Variants in PFKFB2 observed in about 807,000 individuals in gnomAD.
PFKFB2 encodes 6-phosphofructo-2-kinase/fructose-2,6-bisphosphatase 2.
PFKFB2 carries 53 observed loss-of-function variants against 68.0 expected under a neutral mutation model. The ratio of observed to expected loss-of-function variants is 0.78; its 90% CI spans 0.63 to 0.98. PFKFB2 has a LOEUF of 0.98. Ranked by LOEUF, PFKFB2 falls within the 50% of genes least tolerant of loss-of-function variation. The probability of loss-of-function intolerance (pLI) is 0.00; values close to 1 mark genes in which losing one functional copy is unlikely to be tolerated. For missense variants in PFKFB2, 451 were observed against 642.0 expected (o/e 0.70, Z 3.22); for synonymous variants, 222 against 227.6 (o/e 0.98, Z 0.22).
chr1:207,035,032 G>C (rs953003000), intron 1 of PFKFB2: 1 of 464,570 alleles, frequency 2.2e-6, no homozygotes, highest in African/African-American at 2.1e-5. Context: ...TCAGTCAAAA[G>C]CCTGAAAGAA....
chr1:207,070,362 A>G lies in PFKFB2; in HGVS notation c.1175A>G (p.Gln392Arg), dbSNP rs748936668. ...GGCAATGTCCTCGTCATCTCCCACC[A>G]GGCTGTCATGCGCTGCCTCCTGGCC... ...RQGNVLVISH[Q>R]AVMRCLLAYF... Residue 392 changes from glutamine (Q) to arginine (R), a missense_variant, in exon 12 of 15, where the codon CAG becomes CGG. Coordinates refer to ENST00000367080, the MANE Select transcript of PFKFB2 (RefSeq NM_006212.2). The surrounding 1 kb of genome is among the most constrained non-coding windows in gnomAD (Gnocchi z 4.2). 7.4e-6 allele frequency: 12 copies of G among 1,613,856 alleles called. No individual in the cohort carries two copies. In the Admixed American group the frequency reaches 1.3e-4, roughly 18 times the overall value.
At chr1:207,038,228 C>A (rs746930426) in intron 1 of PFKFB2, among the ~76,000 whole-genome samples, 1 of 152,188 alleles carries the variant, frequency 6.6e-6, no homozygotes, top group Non-Finnish European at 1.5e-5. Flanking sequence ...TATCGAATGT[C>A]TATTGTAGAT....
At chr1:207,059,851 C>G (rs920650104) in intron 2 of PFKFB2, among the ~76,000 whole-genome samples, 1 of 152,220 alleles carries the variant, frequency 6.6e-6, no homozygotes, top group Non-Finnish European at 1.5e-5. Context: ...TATTTCCCAT[C>G]CAAGTACCTC....
rs150389224 is a variant in PFKFB2 at position 207,058,050 on chromosome 1, A to G, written c.85+3248A>G. 5.1e-3 allele frequency among the ~76,000 whole-genome samples: 780 copies of G among 152,356 alleles called. 14 individuals carry two copies. Among genetic ancestry groups the G allele is most frequent in the African/African-American group, 0.018 (740 of 41,586 alleles). ...CTAATTTGCTCTCCTAAGAAGTTCT[A>G]TATTGTAAGCTGTTTTCAATATTTT... On this transcript the variant is annotated intron_variant, in intron 2 of 14. Coordinates refer to ENST00000367080, the MANE Select transcript of PFKFB2 (RefSeq NM_006212.2).
chr1:207,060,245 A>T (rs373462115), intron 2 of PFKFB2, among the ~76,000 whole-genome samples: 1 of 152,222 alleles, frequency 6.6e-6, no homozygotes, highest in Non-Finnish European at 1.5e-5. Flanking sequence ...CCCTTGACTC[A>T]TTATGTGTCC....
chr1:207,036,129 C>G (rs1027785159), intron 1 of PFKFB2, among the ~76,000 whole-genome samples: 1 of 152,118 alleles, frequency 6.6e-6, no homozygotes, highest in Non-Finnish European at 1.5e-5. Flanking sequence ...ACCCAAACGC[C>G]TCCCACTAGG....
Position 207,063,368 on chromosome 1 carries a change from A to T in PFKFB2, c.397A>T (p.Thr133Ser), listed in dbSNP as rs1440663894. 1 of 1,613,016 alleles carries T rather than the reference A, an allele frequency of 6.2e-7. No individual in the cohort carries two copies. The highest frequency in any genetic ancestry group is 8.5e-7 in the Non-Finnish European group (1 of 1,179,202). ...QIAVFDATNT[T>S]RERRDMILNF... is the part of the protein sequence containing the mutation. ...ACAGGTGTTTGATGCCACCAATACA[A>T]CCCGGGAGAGGAGGGACATGATTTT... Residue 133 changes from threonine to serine, a missense_variant, in exon 6 of 15, where the codon ACC (threonine) becomes TCC (serine). Physicochemically the swap from Thr to Ser is moderately conservative, Grantham distance 58. Coordinates refer to ENST00000367080, the MANE Select transcript of PFKFB2 (RefSeq NM_006212.2). The surrounding 1 kb of genome is among the most constrained non-coding windows in gnomAD (Gnocchi z 4.1).
At chr1:207,058,645 G>A (rs532342978) in intron 2 of PFKFB2, among the ~76,000 whole-genome samples, 1 of 151,924 alleles carries the variant, frequency 6.6e-6, no homozygotes, top group African/African-American at 2.4e-5. Context: ...TTGAGACCGG[G>A]TTATGAGACT....
upstream of PFKFB2, chr1:207,049,725 T>C: frequency 6.2e-7 from 1 of 1,602,986 alleles, no homozygotes; most frequent in Non-Finnish European, 8.5e-7. Flanking sequence ...GCATGTCACC[T>C]GTTAAAAATA....
chr1:207,039,538 A>G (rs1403004182), intron 1 of PFKFB2, among the ~76,000 whole-genome samples: 1 of 152,250 alleles, frequency 6.6e-6, no homozygotes, highest in Non-Finnish European at 1.5e-5. Context: ...ACAGTTCTAA[A>G]TAAACCCTGA....
At chr1:207,069,672 T>G in intron 11 of PFKFB2, 144 bp downstream of exon 11, 1 of 599,904 alleles carries the variant, frequency 1.7e-6, no homozygotes, top group Non-Finnish European at 3.0e-6. Flanking sequence ...TTCATTCAGC[T>G]TAGACAATCG....
At chr1:207,056,913 G>A (rs1288266219) in intron 2 of PFKFB2, among the ~76,000 whole-genome samples, 2 of 152,116 alleles carry the variant, frequency 1.3e-5, no homozygotes, top group African/African-American at 2.4e-5. Context: ...TCACATCAGC[G>A]GCTGCTTTAT....
intron 2 of PFKFB2, chr1:207,045,582 G>A (rs1386241799): frequency 4.0e-5 from 6 of 151,048 alleles, no homozygotes; most frequent in Non-Finnish European, 8.9e-5. Context: ...TGTTTAGGAA[G>A]GCCACCTGAT....
intron 8 of PFKFB2, among the ~76,000 whole-genome samples, chr1:207,067,122 C>T (rs1264001109): frequency 6.6e-6 from 1 of 152,208 alleles, no homozygotes; most frequent in Non-Finnish European, 1.5e-5. Context: ...GTGCCATATT[C>T]TGGCCAGGTC....
At position 207,061,940 on chromosome 1, in the gene PFKFB2, C is replaced by T; in HGVS notation, c.86-13C>T. On this transcript the variant is annotated splice_polypyrimidine_tract_variant and intron_variant, in intron 2 of 14. Coordinates refer to ENST00000367080, the MANE Select transcript of PFKFB2 (RefSeq NM_006212.2). ...CTAGTCATTTCGTTTTATTTTGTTT[C>T]ATTTCCTTCTAGCATGGGCCTCCTA... 2 of 1,612,266 alleles carry T rather than the reference C, an allele frequency of 1.2e-6. No homozygotes were observed. Among genetic ancestry groups the T allele is most frequent in the Non-Finnish European group, 1.7e-6 (2 of 1,178,334 alleles).
chr1:207,080,667 A>G (rs1268750978), downstream of PFKFB2: 4 of 151,926 alleles, frequency 2.6e-5, no homozygotes, highest in Admixed American at 2.0e-4. Context: ...GTTTGCATGT[A>G]TTTAATCAGA....
intron 14 of PFKFB2, among the ~76,000 whole-genome samples, chr1:207,071,815 G>A (rs1459964303): frequency 6.6e-6 from 1 of 152,118 alleles, no homozygotes; most frequent in Non-Finnish European, 1.5e-5. Context: ...AATATGGAAA[G>A]TGTTTGGCTG....
upstream of PFKFB2, chr1:207,050,813 T>C (rs1231250293): frequency 8.1e-6 from 13 of 1,613,282 alleles, no homozygotes; most frequent in Non-Finnish European, 1.0e-5. Context: ...AATTTGGCCC[T>C]GGAGTTCCCG....
chr1:207,040,593 T>C (rs1195507564), intron 1 of PFKFB2, among the ~76,000 whole-genome samples: 1 of 152,192 alleles, frequency 6.6e-6, no homozygotes, highest in African/African-American at 2.4e-5. Context: ...GGGAATATGT[T>C]TGTGTCTTGT....
Sources: allele counts gnomAD v4.1 joint callset (sites outside exome capture counted in the v4.1 genomes callset), GRCh38; gene constraint gnomAD v4.1.1; non-coding constraint Gnocchi (gnomAD v3.1); transcripts MANE v1.5; gene names NCBI Gene and HGNC (gene_info 2026-07-23, HGNC 2026-07-21).